The following TRMT44 variants were observed in gnomAD, a reference collection of about 807,000 sequenced individuals.
The protein encoded by TRMT44 is tRNA methyltransferase 44 homolog.
In TRMT44, 78 loss-of-function variants were observed where a neutral mutation model predicts 77.3. The ratio of observed to expected loss-of-function variants is 1.01; its 90% confidence interval spans 0.84 to 1.22. The LOEUF is 1.22. Ranked by LOEUF, TRMT44 falls within the 50% of genes most tolerant of loss-of-function variation. The probability of loss-of-function intolerance (pLI) is 0.00; values close to 1 mark genes in which losing one functional copy is unlikely to be tolerated. For synonymous variants in TRMT44, 391 were observed against 383.3 expected, an observed-to-expected ratio of 1.02 and a Z score of -0.23; for missense variants, 1,090 against 964.4, an observed-to-expected ratio of 1.13 and a Z score of -1.73.
intron 1 of TRMT44, among the ~76,000 whole-genome samples, chr4:8,445,403 C>A (rs982421892): frequency 6.6e-6 from 1 of 152,182 alleles, no homozygotes; most frequent in Non-Finnish European, 1.5e-5. Flanking sequence ...ACTGCAAGGC[C>A]CTATGTGACC....
chr4:8,475,442 C>T (rs1041908778), intron 10 of TRMT44, among the ~76,000 whole-genome samples: 9 of 152,210 alleles, frequency 5.9e-5, no homozygotes, highest in South Asian at 2.1e-4. Context: ...GGCTGTCCCT[C>T]GAATGTGGCC....
rs111497519 is a variant in TRMT44, at chr4:8,462,416, A to G, written c.1204-1569A>G. Among the ~76,000 whole-genome samples, 4 of 145,494 alleles carry G rather than the reference A, an allele frequency of 2.7e-5. 1 individual carries two copies. The highest frequency in any genetic ancestry group is 1.0e-4 in the African/African-American group (4 of 38,798). ...ACAAGAGCGATACTCCGTCTCAAAG[A>G]AAAACAACGGCTGGGCGTGGTGGCT... is the stretch of plus-strand genomic sequence containing the variant. On this transcript the variant is annotated intron_variant, in intron 6 of 10. Transcript: ENST00000389737.
At chr4:8,471,018 C>A in intron 9 of TRMT44, 66 bp from the exon 10 acceptor site, 1 of 1,115,638 alleles carries the variant, frequency 9.0e-7, no homozygotes, top group Non-Finnish European at 1.3e-6. Flanking sequence ...ACTGTTTCTG[C>A]CTGTGTGACA....
chr4:8,494,103 GA>G (rs1405281292), downstream of TRMT44, among the ~76,000 whole-genome samples: 1 of 151,344 alleles, frequency 6.6e-6, no homozygotes, highest in African/African-American at 2.4e-5. Flanking sequence ...AGTGTGAAAG[GA>G]AAATCAATCT....
chr4:8,495,698 T>C (rs2109242176), downstream of TRMT44, among the ~76,000 whole-genome samples: 1 of 149,788 alleles, frequency 6.7e-6, no homozygotes, highest in Middle Eastern at 3.5e-3. Flanking sequence ...GCGCACACCC[T>C]GTCCTTGTCT....
rs1727970915 is a variant in TRMT44 at position 8,490,613 on chromosome 4, G to A, written n.3892-2653G>A. ...CTCCCCGTGGGCTCGTGGTCTCTCT[G>A]GCTTCAGGAGTGAAGCTGCAGACCT... On this transcript the variant is annotated intron_variant and non_coding_transcript_variant, in intron 2 of 2. Coordinates refer to the TRMT44 transcript ENST00000511366. Among the ~76,000 whole-genome samples, 4 of 152,116 alleles carry A rather than the reference G, an allele frequency of 2.6e-5. No individual in the cohort carries two copies. In the South Asian group the frequency reaches 8.3e-4, roughly 32 times the overall value.
chr4:8,482,687 A>T (rs576771140), intron 2 of TRMT44, among the ~76,000 whole-genome samples: 1 of 152,280 alleles, frequency 6.6e-6, no homozygotes, highest in South Asian at 2.1e-4. Flanking sequence ...AGGCAAGGAC[A>T]GGCCATGTAC....
downstream of TRMT44, chr4:8,479,128 G>T (rs1727532042): frequency 1.3e-5 from 2 of 152,264 alleles, no homozygotes; most frequent in East Asian, 3.9e-4. Context: ...GTCACAGAAC[G>T]AGGAACCCGG....
At chr4:8,498,547 G>A in the TRMT44 span, among the ~76,000 whole-genome samples, 3 of 152,310 alleles carry the variant, frequency 2.0e-5, no homozygotes, top group East Asian at 5.8e-4. This position sits in a 1 kb window ranked among gnomAD's most constrained non-coding sequence, Gnocchi z 4.3. Flanking sequence ...GGAAGAGAGA[G>A]AGGGGCAGCG....
At chr4:8,505,475 T>G in the TRMT44 span, among the ~76,000 whole-genome samples, 1 of 152,074 alleles carries the variant, frequency 6.6e-6, no homozygotes, top group Non-Finnish European at 1.5e-5. Context: ...GTAGGGTGGA[T>G]GGAGATCCCC....
chr4:8,481,701 GAAAC>G (rs1444182114), intron 2 of TRMT44, among the ~76,000 whole-genome samples: 3 of 152,172 alleles, frequency 2.0e-5, no homozygotes, highest in Non-Finnish European at 4.4e-5. Flanking sequence ...AATGAAAAGA[GAAAC>G]ACACACATTA....
intron 6 of TRMT44, among the ~76,000 whole-genome samples, chr4:8,460,327 G>A (rs1034359531): frequency 1.3e-5 from 2 of 152,144 alleles, no homozygotes; most frequent in Non-Finnish European, 2.9e-5. Flanking sequence ...ATGAAAAAAT[G>A]TTGACTTTTC....
intron 1 of TRMT44, among the ~76,000 whole-genome samples, chr4:8,442,626 G>A (rs540913817): frequency 1.3e-5 from 2 of 152,370 alleles, no homozygotes; most frequent in South Asian, 4.1e-4. Context: ...CTCTTATTTG[G>A]AGGTTCTGGG....
At chr4:8,488,083 T>A (rs1214782924) in intron 2 of TRMT44, among the ~76,000 whole-genome samples, 1 of 150,984 alleles carries the variant, frequency 6.6e-6, no homozygotes, top group African/African-American at 2.4e-5. Context: ...GTGAGGGAGG[T>A]TGGAGAAGAG....
chr4:8,453,763 T>C (rs1315666581), intron 5 of TRMT44: 4 of 152,246 alleles, frequency 2.6e-5, no homozygotes, highest in Non-Finnish European at 5.9e-5. Flanking sequence ...GATGGCCAGC[T>C]TAGCCACTTC....
At chr4:8,468,540 G>GGA in intron 9 of TRMT44, 194 bp downstream of exon 9, 2 of 614,826 alleles carry the variant, frequency 3.3e-6, no homozygotes, top group South Asian at 4.1e-5. Flanking sequence ...TAAACATAAA[G>GGA]GACTTTGTTA....
At chr4:8,480,225 A>T (rs1360616183), downstream of TRMT44, among the ~76,000 whole-genome samples, 1 of 152,176 alleles carries the variant, frequency 6.6e-6, no homozygotes, top group Non-Finnish European at 1.5e-5. Flanking sequence ...TCCGAGCGGG[A>T]GTGGAAGTTT....
intron 2 of TRMT44, among the ~76,000 whole-genome samples, chr4:8,447,616 C>T (rs1477119882): frequency 6.6e-6 from 1 of 152,218 alleles, no homozygotes; most frequent in Non-Finnish European, 1.5e-5. Flanking sequence ...ATTCCTGAGC[C>T]TCTGAGGAGG....
the TRMT44 span, among the ~76,000 whole-genome samples, chr4:8,515,357 C>A: frequency 6.6e-6 from 1 of 152,356 alleles, no homozygotes; most frequent in East Asian, 1.9e-4. Context: ...CCACTGGGAA[C>A]TCACGGTCCA....
Sources: gnomAD v4.1 joint callset for allele counts (sites outside exome capture counted in the v4.1 genomes callset) on GRCh38, gnomAD v4.1.1 for gene constraint, Gnocchi (gnomAD v3.1) non-coding constraint, MANE v1.5 for transcripts, NCBI Gene and HGNC (gene_info 2026-07-23, HGNC 2026-07-21) for gene names.